IKZF1: variants seen among roughly 807,000 people sequenced by gnomAD.
IKZF1 encodes the protein IKAROS family zinc finger 1, also known as DNA-binding protein Ikaros.
In IKZF1, 10 loss-of-function variants were observed where a neutral mutation model predicts 51.7. The ratio of observed to expected loss-of-function variants is 0.19; its 90% confidence interval spans 0.12 to 0.33. The LOEUF (loss-of-function observed/expected upper bound fraction) is 0.33, where lower values mean the gene tolerates loss of function less well. IKZF1 is among the 10% of genes least tolerant of loss of function. The probability of loss-of-function intolerance (pLI) is 1.00; values close to 1 mark genes in which losing one functional copy is unlikely to be tolerated. For missense variants in IKZF1, 484 were observed against 707.5 expected (o/e 0.68, Z 3.58); for synonymous variants, 280 against 282.3 (o/e 0.99, Z 0.08).
rs1436620039 is a variant in IKZF1 at position 50,336,183 on chromosome 7, C to T, written c.160+8426C>T. 1.9e-4 allele frequency among the ~76,000 whole-genome samples: 29 copies of T among 152,088 alleles called. 1 individual carries two copies. Among genetic ancestry groups the T allele is most frequent in the Admixed American group, 1.9e-3 (29 of 15,282 alleles). On this transcript the variant is annotated intron_variant, in intron 3 of 7. Transcript: ENST00000331340. The stretch of plus-strand genomic sequence containing the variant: ...CCAGGCTGGGTCCCCGGAGAAGACT[C>T]AGTTGGCAAACGCCATGTGGTTGCC...
chr7:50,330,406 G>T (rs1017204241), intron 3 of IKZF1, among the ~76,000 whole-genome samples: 2 of 152,164 alleles, frequency 1.3e-5, no homozygotes, highest in Non-Finnish European at 2.9e-5. Flanking sequence ...CCACAGGAGT[G>T]ATAGGTTACT....
At chr7:50,304,591 G>A (rs924373781), upstream of IKZF1, 4 of 151,612 alleles carry the variant, frequency 2.6e-5, no homozygotes, top group Non-Finnish European at 5.9e-5. Flanking sequence ...GAGCGCGAAA[G>A]CCTGGTCTGA....
chr7:50,398,253 T>A (rs987870251), intron 7 of IKZF1, among the ~76,000 whole-genome samples: 18 of 152,192 alleles, frequency 1.2e-4, no homozygotes, highest in Admixed American at 3.9e-4. Context: ...CTTTCCACAG[T>A]GAATGAGAAG....
chr7:50,400,935 G>C lies in IKZF1; in HGVS notation c.*308G>C, dbSNP rs927327881. 4.4e-6 allele frequency: 2 copies of C among 456,356 alleles called. No homozygotes were observed. Among genetic ancestry groups the C allele is most frequent in the East Asian group, 4.1e-5 (1 of 24,616 alleles). The allele number at this position is 456,356 out of a possible 1,614,324, so 28.3% of individuals were successfully genotyped here. ...CTTCCTAGAATCCCCTTCTCCAAAC[G>C]ATTAGTCTAAATTTTCAGAGAGAAA... On this transcript the variant is annotated 3_prime_UTR_variant, in exon 8 of 8. Coordinates refer to ENST00000331340, the MANE Select transcript of IKZF1 (RefSeq NM_006060.6). This position sits in a 1 kb window ranked among gnomAD's most constrained non-coding sequence, Gnocchi z 5.4.
At chr7:50,325,065 C>G (rs1209768666) in intron 2 of IKZF1, among the ~76,000 whole-genome samples, 1 of 152,084 alleles carries the variant, frequency 6.6e-6, no homozygotes, top group Non-Finnish European at 1.5e-5. Flanking sequence ...CATGTTTACT[C>G]ATTGGGATAG....
At chr7:50,391,961 C>A in intron 7 of IKZF1, 98 bp downstream of exon 7, 1 of 1,415,816 alleles carries the variant, frequency 7.1e-7, no homozygotes. Context: ...GGAAAAAAAT[C>A]TTATTTTTTC....
chr7:50,349,327 G>A (rs1038421309), intron 3 of IKZF1, among the ~76,000 whole-genome samples: 18 of 152,346 alleles, frequency 1.2e-4, no homozygotes, highest in African/African-American at 4.3e-4. Context: ...AGTGTGTAAT[G>A]AGGAGTAAGG....
At chr7:50,357,683 C>A (rs775520131) in intron 3 of IKZF1, among the ~76,000 whole-genome samples, 4 of 152,122 alleles carry the variant, frequency 2.6e-5, no homozygotes, top group Non-Finnish European at 5.9e-5. Context: ...TGTGGAATGC[C>A]CAAGTTGGAG....
chr7:50,354,674 C>T (rs1209541806), intron 3 of IKZF1, among the ~76,000 whole-genome samples: 2 of 152,064 alleles, frequency 1.3e-5, no homozygotes, highest in African/African-American at 4.8e-5. Flanking sequence ...TCTTCCATTA[C>T]CCTCTCTAGC....
At chr7:50,324,451 A>G (rs951447141) in intron 2 of IKZF1, among the ~76,000 whole-genome samples, 2 of 152,212 alleles carry the variant, frequency 1.3e-5, no homozygotes, top group Non-Finnish European at 2.9e-5. Context: ...ATGCCCCTGT[A>G]CATACCAAGA....
At chr7:50,392,069 G>A (rs1815249737) in intron 7 of IKZF1, among the ~76,000 whole-genome samples, 1 of 152,190 alleles carries the variant, frequency 6.6e-6, no homozygotes, top group Non-Finnish European at 1.5e-5. Flanking sequence ...GTTTTTCCTA[G>A]ATTTGATTTT....
chr7:50,377,550 C>T (rs955495036), intron 4 of IKZF1, among the ~76,000 whole-genome samples: 22 of 152,246 alleles, frequency 1.4e-4, no homozygotes, highest in South Asian at 8.3e-4. Context: ...CGTGGGAACA[C>T]GGCGAGCCCC....
intron 1 of IKZF1, among the ~76,000 whole-genome samples, chr7:50,311,963 C>CA (rs571166131): frequency 2.8e-4 from 42 of 151,972 alleles, no homozygotes; most frequent in Admixed American, 9.8e-4. Flanking sequence ...AGTAAATTAC[C>CA]AAAAAAATAA....
chr7:50,386,936 A>G (rs1813540802), intron 5 of IKZF1, among the ~76,000 whole-genome samples: 1 of 152,230 alleles, frequency 6.6e-6, no homozygotes, highest in Non-Finnish European at 1.5e-5. Context: ...AGCCCACAGC[A>G]TAGACTGAGG....
chr7:50,358,191 G>C (rs1230259024), intron 3 of IKZF1, among the ~76,000 whole-genome samples: 2 of 152,186 alleles, frequency 1.3e-5, no homozygotes, highest in African/African-American at 4.8e-5. Flanking sequence ...CATAAAACTA[G>C]AAAGATGGGA....
intron 7 of IKZF1, among the ~76,000 whole-genome samples, chr7:50,393,278 GA>G (rs1815712700): frequency 6.6e-6 from 1 of 152,156 alleles, no homozygotes; most frequent in Admixed American, 6.5e-5. Context: ...CAGGTTCTAG[GA>G]AAAGATGGGG....
intron 3 of IKZF1, among the ~76,000 whole-genome samples, chr7:50,354,104 C>T (rs1802600728): frequency 6.6e-6 from 1 of 152,224 alleles, no homozygotes; most frequent in African/African-American, 2.4e-5. Flanking sequence ...GGTGTCCCTT[C>T]TGTGCCTGCA....
intron 5 of IKZF1, among the ~76,000 whole-genome samples, chr7:50,384,185 C>A (rs994553831): frequency 6.6e-6 from 1 of 152,154 alleles, no homozygotes; most frequent in Non-Finnish European, 1.5e-5. Flanking sequence ...GTGTGTGAGT[C>A]GGCAGTAATC....
intron 3 of IKZF1, among the ~76,000 whole-genome samples, chr7:50,345,691 G>GA (rs1222997578): frequency 1.3e-5 from 2 of 151,482 alleles, no homozygotes; most frequent in East Asian, 1.9e-4. Context: ...TTGGCAGAAA[G>GA]AAAAAAAAGG....
Sources: allele counts gnomAD v4.1 joint callset (sites outside exome capture counted in the v4.1 genomes callset), GRCh38; gene constraint gnomAD v4.1.1; non-coding constraint Gnocchi (gnomAD v3.1); transcripts MANE v1.5; gene names NCBI Gene and HGNC (gene_info 2026-07-23, HGNC 2026-07-21).